COL19A1: variants seen among roughly 807,000 people sequenced by gnomAD.
The protein encoded by COL19A1 is collagen alpha-1(XIX) chain.
COL19A1 carries 159 observed loss-of-function variants against 190.2 expected under a neutral mutation model. The ratio of observed to expected loss-of-function variants is 0.84; its 90% CI spans 0.73 to 0.95. The LOEUF is 0.95. COL19A1 is among the 40% of genes least tolerant of loss of function. The pLI is 0.00. For synonymous variants in COL19A1, 509 were observed against 458.9 expected (o/e 1.11, Z -1.39); for missense variants, 1,418 against 1,431.9 (o/e 0.99, Z 0.16).
At chr6:69,874,629 T>C (rs1768027728) in intron 1 of COL19A1, among the ~76,000 whole-genome samples, 1 of 152,120 alleles carries the variant, frequency 6.6e-6, no homozygotes, top group South Asian at 2.1e-4. Context: ...TGGGTGCCTG[T>C]AGTCCCAGCT....
intron 36 of COL19A1, among the ~76,000 whole-genome samples, chr6:70,164,350 C>A (rs552599163): frequency 6.6e-6 from 1 of 152,028 alleles, no homozygotes; most frequent in Non-Finnish European, 1.5e-5. Context: ...CTATTTAGAT[C>A]GGGGAAGTAA....
At chr6:70,031,462 C>T (rs549965781) in intron 12 of COL19A1, among the ~76,000 whole-genome samples, 1 of 152,044 alleles carries the variant, frequency 6.6e-6, no homozygotes, top group Non-Finnish European at 1.5e-5. Flanking sequence ...CCCTTGCCCC[C>T]TCACTCACCC....
rs1485481060 is a variant in COL19A1, at chr6:70,118,771, A to ATTTCTGTAG, written c.1279-3109_1279-3108insTTTCTGTAG. Among the ~76,000 whole-genome samples the ATTTCTGTAG allele has an allele frequency of 8.4e-4, 128 of 152,236 alleles. 1 individual carries two copies. The highest frequency in any genetic ancestry group is 2.9e-3 in the African/African-American group (120 of 41,506). On this transcript the variant is annotated intron_variant, in intron 16 of 50. Transcript: ENST00000620364. ...GTGGATATTTGAATAATAACGTTCA[A>ATTTCTGTAG]CCTTTTCTGTAGCCTCATTGCTCTT...
chr6:69,881,877 TGAA>T (rs148813414), intron 2 of COL19A1, among the ~76,000 whole-genome samples: 117 of 152,326 alleles, frequency 7.7e-4, no homozygotes, highest in African/African-American at 2.4e-3. Flanking sequence ...AAGGGATTGT[TGAA>T]GAAGATGACA....
At chr6:70,126,943 G>A (rs1785238573) in intron 17 of COL19A1, among the ~76,000 whole-genome samples, 1 of 152,152 alleles carries the variant, frequency 6.6e-6, no homozygotes, top group Admixed American at 6.5e-5. Context: ...TTTTCTATCA[G>A]CACATGTATT....
chr6:70,061,599 TTGCTACATAATTTC>T (rs1290306063), intron 14 of COL19A1, among the ~76,000 whole-genome samples: 1 of 152,164 alleles, frequency 6.6e-6, no homozygotes, highest in East Asian at 1.9e-4. Flanking sequence ...TAGGTAGACT[TTGCTACATAATTTC>T]TTTAAATAGT....
chr6:70,094,327 C>A (rs1047941049), intron 15 of COL19A1, among the ~76,000 whole-genome samples: 1 of 152,178 alleles, frequency 6.6e-6, no homozygotes, highest in South Asian at 2.1e-4. Context: ...GTGTGCCAGT[C>A]AAGGCCCTGT....
intron 4 of COL19A1, among the ~76,000 whole-genome samples, chr6:69,908,908 A>C (rs1309118850): frequency 6.6e-6 from 1 of 152,140 alleles, no homozygotes; most frequent in East Asian, 1.9e-4. Flanking sequence ...GAAATGTTTT[A>C]AGTTTAATGT....
intron 4 of COL19A1, among the ~76,000 whole-genome samples, chr6:69,926,073 TTTA>T (rs1287288901): frequency 1.3e-5 from 2 of 152,152 alleles, no homozygotes; most frequent in East Asian, 3.8e-4. Context: ...TTGAATACCC[TTTA>T]TTTCTTTCTC....
chr6:69,985,681 A>G (rs568223317), intron 11 of COL19A1, among the ~76,000 whole-genome samples: 1 of 152,338 alleles, frequency 6.6e-6, no homozygotes, highest in South Asian at 2.1e-4. Context: ...CTTTGTCTAA[A>G]AAACTGTGAA....
chr6:70,182,257 C>T (rs184388259), intron 44 of COL19A1, among the ~76,000 whole-genome samples: 1 of 152,152 alleles, frequency 6.6e-6, no homozygotes, highest in South Asian at 2.1e-4. Context: ...ATGGACTAAT[C>T]TAGAGAAGTG....
chr6:70,185,206 A>G (rs1388869586), intron 46 of COL19A1, among the ~76,000 whole-genome samples: 1 of 152,180 alleles, frequency 6.6e-6, no homozygotes, highest in African/African-American at 2.4e-5. Context: ...TACTATAACC[A>G]TCACCCATGT....
intron 11 of COL19A1, among the ~76,000 whole-genome samples, chr6:69,978,981 A>G (rs937351327): frequency 1.3e-5 from 2 of 151,916 alleles, no homozygotes; most frequent in Non-Finnish European, 2.9e-5. Context: ...TTGATCACCT[A>G]GAGAAAATGG....
rs1389379813 is a variant in COL19A1 at position 70,010,701 on chromosome 6, A to T, written c.1027-12926A>T. Among the ~76,000 whole-genome samples the T allele has an allele frequency of 1.5e-5, 2 of 136,454 alleles. 1 individual carries two copies. The highest frequency in any genetic ancestry group is 3.0e-5 in the Non-Finnish European group (2 of 65,718). 89.5% of individuals were successfully genotyped at this position (136,454 alleles called of 152,430 possible). Reference sequence around the variant, plus strand: ...AGACTATATCCCACACCTGGCTCGGAGGGTCCTACACCCACGGAATCTCGC... The same window carrying T: ...AGACTATATCCCACACCTGGCTCGGTGGGTCCTACACCCACGGAATCTCGC... On this transcript the variant is annotated intron_variant, in intron 11 of 50. Transcript: ENST00000620364.
Position 70,129,270 on chromosome 6 carries a change from G to A in COL19A1, c.1342-912G>A, listed in dbSNP as rs574052374. Among the ~76,000 whole-genome samples, 358 of 152,272 alleles carry A rather than the reference G, an allele frequency of 2.4e-3. 2 individuals are homozygous for A. Among genetic ancestry groups the A allele is most frequent in the African/African-American group, 8.2e-3 (341 of 41,550 alleles). On this transcript the variant is annotated intron_variant, in intron 17 of 50. Transcript: ENST00000620364. ...TGTGCTGGGGAACTATATGCTCTTT[G>A]TGTGTTAAGTTTAAAGAAGGTAGAA...
intron 11 of COL19A1, among the ~76,000 whole-genome samples, chr6:69,981,853 T>C (rs114221502): frequency 0.016 from 2,360 of 152,250 alleles, 54 homozygotes; most frequent in African/African-American, 0.047. Flanking sequence ...TGTCCTAAAA[T>C]ATATGTTTCA....
rs187778992 is a variant in COL19A1 at position 70,062,510 on chromosome 6, C to T, written c.1171-5913C>T. 8.9e-4 allele frequency among the ~76,000 whole-genome samples: 135 copies of T among 152,194 alleles called. 2 individuals are homozygous for T. The highest frequency in any genetic ancestry group is 1.5e-3 in the South Asian group (7 of 4,822). ...AAACATGGAAAGGAACAACTGGTAA[C>T]GGCCACTGCAAAAACATGCCAAATT... On this transcript the variant is annotated intron_variant, in intron 14 of 50. Transcript: ENST00000620364.
intron 31 of COL19A1, among the ~76,000 whole-genome samples, chr6:70,153,471 A>C (rs934637134): frequency 6.6e-6 from 1 of 152,156 alleles, no homozygotes; most frequent in Non-Finnish European, 1.5e-5. Flanking sequence ...CATTTTTCCA[A>C]GAATGTTAAC....
In COL19A1 at chr6:70,207,749, G is replaced by A. The variant is rs1235218304; in HGVS notation, c.*475G>A. 1.3e-5 allele frequency: 2 copies of A among 152,006 alleles called. No individual in the cohort carries two copies. Among genetic ancestry groups the A allele is most frequent in the South Asian group, 2.1e-4 (1 of 4,820 alleles). The allele number at this position is 152,006 out of a possible 1,614,324, so 9.4% of individuals were successfully genotyped here. On this transcript the variant is annotated 3_prime_UTR_variant, in exon 51 of 51. Transcript: ENST00000620364. ...TTTTTTGATATAGTGCATTGCTCCTGTTGAATGTTTTTTGACTACTTTTTA... is the reference window on the plus strand; with the variant it reads ...TTTTTTGATATAGTGCATTGCTCCTATTGAATGTTTTTTGACTACTTTTTA...
Sources: gnomAD v4.1 joint callset for allele counts (sites outside exome capture counted in the v4.1 genomes callset) on GRCh38, gnomAD v4.1.1 for gene constraint, MANE v1.5 for transcripts, NCBI Gene and HGNC (gene_info 2026-07-23, HGNC 2026-07-21) for gene names.